PTGR1: variants seen among roughly 807,000 people sequenced by gnomAD.
PTGR1 encodes the protein 15-oxoprostaglandin 13-reductase.
In PTGR1, 23 loss-of-function variants were observed where a neutral mutation model predicts 37.7. The observed-to-expected ratio is 0.61, with a 90% CI of 0.44 to 0.86. PTGR1 has a LOEUF of 0.86. Among genes scored for constraint, PTGR1 ranks in the 40% least tolerant of loss-of-function variants. PTGR1 has a pLI of 0.00. For synonymous variants in PTGR1, 134 were observed against 140.0 expected (o/e 0.96, Z 0.30); for missense variants, 351 against 394.3 (o/e 0.89, Z 0.93).
At chr9:111,582,524 T>TATA (rs59285266) in intron 6 of PTGR1, among the ~76,000 whole-genome samples, 55,456 of 151,902 alleles carry the variant, frequency 0.37, 10,545 homozygotes, top group African/African-American at 0.47. Flanking sequence ...ATTCCAAAGG[T>TATA]AGCCCATAAT....
chr9:111,578,751 A>G, intron 7 of PTGR1, 45 bp downstream of exon 7: 1 of 1,534,014 alleles, frequency 6.5e-7, no homozygotes, highest in Non-Finnish European at 8.9e-7. Flanking sequence ...TGCTTTATAT[A>G]GTACTTCCAT....
chr9:111,558,219 G>T (rs922564625), downstream of PTGR1, among the ~76,000 whole-genome samples: 1 of 152,154 alleles, frequency 6.6e-6, no homozygotes, highest in Non-Finnish European at 1.5e-5. Context: ...TCTCAGTACG[G>T]ACTCATGGTT....
chr9:111,562,710 C>A lies in PTGR1; in HGVS notation c.*411G>T, dbSNP rs1371863011. 28 of 164,054 alleles carry A rather than the reference C, an allele frequency of 1.7e-4. No individual in the cohort carries two copies. Among genetic ancestry groups the A allele is most frequent in the Non-Finnish European group, 2.6e-5 (2 of 75,576 alleles). The allele number at this position is 164,054 out of a possible 1,614,324, so 10.2% of individuals were successfully genotyped here. ...TCAACCCATCACCTAGGTATTAGCC[C>A]CCGAAGGCATTAGCTATTTATCCTG... On this transcript the variant is annotated 3_prime_UTR_variant, in exon 10 of 10. Transcript: ENST00000407693.
chr9:111,571,643 AATTT>A (rs1564613903), intron 8 of PTGR1, among the ~76,000 whole-genome samples: 1 of 147,280 alleles, frequency 6.8e-6, no homozygotes, highest in East Asian at 1.9e-4. Flanking sequence ...ACACCTGGCT[AATTT>A]TTTTTAGTTT....
At chr9:111,574,617 A>G in intron 8 of PTGR1, 117 bp downstream of exon 8, 1 of 729,824 alleles carries the variant, frequency 1.4e-6, no homozygotes, top group Non-Finnish European at 2.2e-6. Flanking sequence ...AAAAAAAAAA[A>G]AAAGAATATA....
At chr9:111,559,901 A>G (rs1234476390), downstream of PTGR1, among the ~76,000 whole-genome samples, 1 of 152,166 alleles carries the variant, frequency 6.6e-6, no homozygotes, top group Non-Finnish European at 1.5e-5. Context: ...AAGACAAACC[A>G]TATTAGAAGT....
At chr9:111,569,992 C>T (rs775804330) in intron 9 of PTGR1, 99 bp downstream of exon 9, 117 of 1,554,636 alleles carry the variant, frequency 7.5e-5, no homozygotes, top group Non-Finnish European at 9.6e-5. Context: ...ACTGACGATG[C>T]GGCAGAGATG....
At chr9:111,561,328 T>G (rs1412177994), downstream of PTGR1, among the ~76,000 whole-genome samples, 1 of 151,908 alleles carries the variant, frequency 6.6e-6, no homozygotes, top group Non-Finnish European at 1.5e-5. Flanking sequence ...CATGCTGGAG[T>G]GCAGTGGTAC....
At position 111,572,759 on chromosome 9, in the gene PTGR1, A is replaced by C. The variant is rs1157937474; in HGVS notation, c.760+1975T>G. 7.5e-3 allele frequency among the ~76,000 whole-genome samples: 902 copies of C among 119,498 alleles called. 17 individuals carry two copies. The highest frequency in any genetic ancestry group is 0.061 in the Admixed American group (736 of 12,074). The allele number at this position is 119,498 out of a possible 152,430, so 78.4% of individuals were successfully genotyped here. On this transcript the variant is annotated intron_variant, in intron 8 of 9. Coordinates refer to ENST00000407693, the MANE Select transcript of PTGR1 (RefSeq NM_001146108.2). ...GCAACAAAGCGAGACCCTGTCTCAAAAAAAAAAAAAAAAAAAAAAAATTAA... is the reference window on the plus strand; with the variant it reads ...GCAACAAAGCGAGACCCTGTCTCAACAAAAAAAAAAAAAAAAAAAAATTAA...
chr9:111,560,921 C>T (rs1191646934), downstream of PTGR1, among the ~76,000 whole-genome samples: 1 of 120,474 alleles, frequency 8.3e-6, no homozygotes. Flanking sequence ...CCAGCCTGGG[C>T]AACAGAGTGA....
At chr9:111,552,476 A>C (rs1827998267) in intron 9 of PTGR1, among the ~76,000 whole-genome samples, 1 of 152,202 alleles carries the variant, frequency 6.6e-6, no homozygotes. Context: ...CTTGCTTTAA[A>C]ATTCCAACAT....
At chr9:111,567,251 G>A (rs925310973) in intron 9 of PTGR1, among the ~76,000 whole-genome samples, 6 of 152,098 alleles carry the variant, frequency 3.9e-5, no homozygotes, top group Admixed American at 2.0e-4. Context: ...GCAGTGGCAC[G>A]ATCTTGACTC....
At chr9:111,589,807 G>A (rs564242484) in intron 4 of PTGR1, among the ~76,000 whole-genome samples, 22 of 151,436 alleles carry the variant, frequency 1.5e-4, no homozygotes, top group Non-Finnish European at 2.7e-4. Flanking sequence ...GCTAATTTTT[G>A]TATTTTTAGT....
At position 111,586,112 on chromosome 9, in the gene PTGR1, G is replaced by A; in HGVS notation, c.263C>T (p.Ser88Phe). The A allele has an allele frequency of 6.2e-7, 1 of 1,614,208 alleles. No individual in the cohort carries two copies. Among genetic ancestry groups the A allele is most frequent in the Non-Finnish European group, 8.5e-7 (1 of 1,180,026 alleles). The part of the protein sequence containing the change: ...ALPKGTIVLA[S>F]PGWTTHSISD... The stretch of plus-strand genomic sequence containing the variant: ...AATGGAGTGCGTTGTCCAGCCTGGA[G>A]AAGCCAGTACAATAGTTCCTTTTGG... The change falls in exon 5 of 10, where the codon TCT becomes TTT. Residue 88 changes from serine (S) to phenylalanine (F), a missense_variant. Coordinates refer to ENST00000407693, the MANE Select transcript of PTGR1 (RefSeq NM_001146108.2).
intron 2 of PTGR1, among the ~76,000 whole-genome samples, chr9:111,596,210 G>T (rs1473517285): frequency 1.3e-5 from 2 of 152,158 alleles, no homozygotes; most frequent in Non-Finnish European, 2.9e-5. Context: ...TTGTCTCCTT[G>T]CCACTTCTCC....
At chr9:111,569,961 A>T in intron 9 of PTGR1, 130 bp downstream of exon 9, 1 of 1,416,480 alleles carries the variant, frequency 7.1e-7, no homozygotes, top group Non-Finnish European at 9.7e-7. Flanking sequence ...TACTCTAAGC[A>T]CAATGACCCA....
downstream of PTGR1, among the ~76,000 whole-genome samples, chr9:111,558,184 A>C (rs1828180066): frequency 6.6e-6 from 1 of 152,082 alleles, no homozygotes. Context: ...TTCCTCATCA[A>C]GTTTTCAGTG....
chr9:111,596,926 CAAAAAAAA>C (rs71494900), intron 2 of PTGR1, among the ~76,000 whole-genome samples: 147 of 90,656 alleles, frequency 1.6e-3, no homozygotes, highest in Non-Finnish European at 2.6e-3. Context: ...GACTCTGTCT[CAAAAAAAA>C]AAAAAAAAAA....
chr9:111,559,647 G>GCACA (rs60224675), downstream of PTGR1, among the ~76,000 whole-genome samples: 5 of 150,604 alleles, frequency 3.3e-5, no homozygotes, highest in African/African-American at 9.8e-5. Context: ...CACACATACA[G>GCACA]CACACACACA....
Sources: allele counts gnomAD v4.1 joint callset (sites outside exome capture counted in the v4.1 genomes callset), GRCh38; gene constraint gnomAD v4.1.1; transcripts MANE v1.5; gene names NCBI Gene and HGNC (gene_info 2026-07-23, HGNC 2026-07-21).